KCNMA1: variants seen among roughly 807,000 people sequenced by gnomAD.
KCNMA1 encodes the protein Calcium-activated potassium channel subunit alpha-1.
A neutral mutation model predicts 140.0 loss-of-function variants in KCNMA1; 29 were observed. That is an observed-to-expected ratio of 0.21 (90% confidence interval 0.15 to 0.28). The LOEUF (loss-of-function observed/expected upper bound fraction) is 0.28. KCNMA1 is among the 10% of genes least tolerant of loss of function. The probability of loss-of-function intolerance (pLI) is 1.00; values close to 1 mark genes in which losing one functional copy is unlikely to be tolerated. For missense variants in KCNMA1, 880 were observed against 1,602.2 expected (o/e 0.55, Z 7.70); for synonymous variants, 612 against 611.9 (o/e 1.00, Z 0.00).
intron 5 of KCNMA1, among the ~76,000 whole-genome samples, chr10:77,128,553 G>A (rs553484888): frequency 3.0e-4 from 45 of 152,098 alleles, no homozygotes; most frequent in East Asian, 7.7e-4. Flanking sequence ...TTTAATGGGC[G>A]TGGGGTACAT....
intron 3 of KCNMA1, among the ~76,000 whole-genome samples, chr10:77,217,269 C>A (rs1282380537): frequency 1.3e-5 from 2 of 151,184 alleles, no homozygotes; most frequent in Non-Finnish European, 2.9e-5. Context: ...CATGCCACTG[C>A]ACTCCAACCT....
intron 1 of KCNMA1, among the ~76,000 whole-genome samples, chr10:77,455,529 T>C (rs1236727492): frequency 6.6e-6 from 1 of 152,230 alleles, no homozygotes; most frequent in African/African-American, 2.4e-5. Flanking sequence ...GATAGGCTCC[T>C]ATGAAATGTA....
At chr10:77,241,003 T>G (rs2057129106) in intron 3 of KCNMA1, among the ~76,000 whole-genome samples, 1 of 152,274 alleles carries the variant, frequency 6.6e-6, no homozygotes, top group Non-Finnish European at 1.5e-5. Flanking sequence ...AAAATTTTTG[T>G]TGTATCCATT....
At chr10:77,135,683 T>C (rs1407347796) in intron 5 of KCNMA1, among the ~76,000 whole-genome samples, 1 of 152,176 alleles carries the variant, frequency 6.6e-6, no homozygotes, top group African/African-American at 2.4e-5. Flanking sequence ...ATCCTTTCAT[T>C]TGCAACAATG....
At chr10:77,227,935 C>T (rs932705744) in intron 3 of KCNMA1, among the ~76,000 whole-genome samples, 10 of 151,080 alleles carry the variant, frequency 6.6e-5, no homozygotes, top group African/African-American at 1.7e-4. Flanking sequence ...AGGGCCACAG[C>T]GCCTGCCAAA....
chr10:77,122,317 T>C (rs1596409124), intron 5 of KCNMA1, among the ~76,000 whole-genome samples: 1 of 152,342 alleles, frequency 6.6e-6, no homozygotes, highest in East Asian at 1.9e-4. Flanking sequence ...TTAACCATCA[T>C]GAACAGAAGA....
chr10:77,004,905 C>T (rs1012787434), intron 18 of KCNMA1, among the ~76,000 whole-genome samples: 1 of 152,012 alleles, frequency 6.6e-6, no homozygotes, highest in Non-Finnish European at 1.5e-5. Context: ...TTTAAATTCC[C>T]AAGGTTAGGT....
intron 2 of KCNMA1, among the ~76,000 whole-genome samples, chr10:77,387,531 T>TTTTCC (rs2095646458): frequency 2.3e-5 from 1 of 44,072 alleles, no homozygotes; most frequent in Non-Finnish European, 8.9e-5. Context: ...GGAATTGTTC[T>TTTTCC]TTTCTTTTCT....
intron 24 of KCNMA1, chr10:76,913,943 A>G: frequency 1.3e-6 from 1 of 755,734 alleles, no homozygotes; most frequent in Non-Finnish European, 2.2e-6. Flanking sequence ...AAGCAGTGCC[A>G]TGGGGTAGCC....
rs1027910905 is a variant in KCNMA1 at position 77,430,241 on chromosome 10, C to T, written c.379-26218G>A. On this transcript the variant is annotated intron_variant, in intron 1 of 27. Transcript: ENST00000286628. ...AAGGGACAAAGACAAGACTAGAAAT[C>T]ATCCCTCTGCCCACCTCAAGACAAA... Among the ~76,000 whole-genome samples the T allele has an allele frequency of 2.0e-5, 3 of 152,230 alleles. No homozygotes were observed. The South Asian group carries it at 6.2e-4, about 32-fold the overall frequency.
chr10:77,195,823 C>T (rs2154145269), intron 3 of KCNMA1, among the ~76,000 whole-genome samples: 1 of 152,114 alleles, frequency 6.6e-6, no homozygotes, highest in African/African-American at 2.4e-5. Context: ...GTGGTGAACA[C>T]CTGTAGTCCC....
rs78502522 is a variant in KCNMA1, at chr10:77,065,648, T to C, written c.1749+7449A>G. Among the ~76,000 whole-genome samples the C allele has an allele frequency of 4.3e-3, 653 of 152,182 alleles. 12 individuals carry two copies. The highest frequency in any genetic ancestry group is 0.02 in the Admixed American group (299 of 15,286). On this transcript the variant is annotated intron_variant, in intron 14 of 27. Coordinates refer to ENST00000286628, the MANE Select transcript of KCNMA1 (RefSeq NM_001161352.2). ...CGATCATGTAGTATCACCTGACTTA[T>C]TTAAAAAAAAACAGGGGGTTCTGGG...
chr10:77,025,417 T>A, intron 16 of KCNMA1: 2 of 1,595,728 alleles, frequency 1.3e-6, no homozygotes, highest in Non-Finnish European at 1.7e-6. Context: ...GGGTGGAGGT[T>A]GGAAGAAAAG....
chr10:77,070,080 T>C (rs2096134169), intron 14 of KCNMA1, among the ~76,000 whole-genome samples: 1 of 152,134 alleles, frequency 6.6e-6, no homozygotes, highest in African/African-American at 2.4e-5. Flanking sequence ...CCTCCCAAAG[T>C]GCTTATATTA....
chr10:77,243,812 C>A (rs979346687), intron 3 of KCNMA1, among the ~76,000 whole-genome samples: 3 of 152,146 alleles, frequency 2.0e-5, no homozygotes, highest in Non-Finnish European at 4.4e-5. Flanking sequence ...CCATCCCCAA[C>A]TCCATGCTGA....
At chr10:77,120,941 G>C in intron 6 of KCNMA1, 32 bp downstream of exon 6, 1 of 1,317,872 alleles carries the variant, frequency 7.6e-7, no homozygotes, top group Non-Finnish European at 1.1e-6. Flanking sequence ...TAGGGGACTG[G>C]AATGAAAAAA....
chr10:77,615,954 A>G (rs113560879), intron 1 of KCNMA1, among the ~76,000 whole-genome samples: 1,978 of 152,302 alleles, frequency 0.013, 18 homozygotes, highest in Middle Eastern at 0.037. Flanking sequence ...AAATGCTATT[A>G]TACTCACAAA....
At chr10:77,234,871 C>A (rs888909685) in intron 3 of KCNMA1, among the ~76,000 whole-genome samples, 1 of 152,174 alleles carries the variant, frequency 6.6e-6, no homozygotes, top group African/African-American at 2.4e-5. Flanking sequence ...TAAAACACTT[C>A]TAAGAGAGGA....
At chr10:77,443,273 G>C (rs144289529) in intron 1 of KCNMA1, among the ~76,000 whole-genome samples, 16 of 152,186 alleles carry the variant, frequency 1.1e-4, no homozygotes, top group African/African-American at 3.9e-4. Flanking sequence ...GCAGGCCAGG[G>C]ACTGGTTTCT....
Sources: allele counts gnomAD v4.1 joint callset (sites outside exome capture counted in the v4.1 genomes callset), GRCh38; gene constraint gnomAD v4.1.1; transcripts MANE v1.5; gene names NCBI Gene and HGNC (gene_info 2026-07-23, HGNC 2026-07-21).